RBFOX1: variants seen among roughly 807,000 people sequenced by gnomAD.
The protein encoded by RBFOX1 is RNA binding protein fox-1 homolog 1.
Under a neutral mutation model 57.7 loss-of-function variants are expected in RBFOX1, and 8 were observed. That is an observed-to-expected ratio of 0.14 (90% CI 0.08 to 0.25). The LOEUF (loss-of-function observed/expected upper bound fraction) is 0.25, where lower values mean the gene tolerates loss of function less well. Among genes scored for constraint, RBFOX1 ranks in the 10% least tolerant of loss-of-function variants. RBFOX1 has a pLI of 1.00. For missense variants in RBFOX1, 611 were observed against 548.5 expected, an observed-to-expected ratio of 1.11 and a Z score of -1.14; for synonymous variants, 326 against 222.4, an observed-to-expected ratio of 1.47 and a Z score of -4.15.
chr16:7,686,715 G>C (rs972844861), intron 14 of RBFOX1, among the ~76,000 whole-genome samples: 3 of 152,080 alleles, frequency 2.0e-5, no homozygotes, highest in Non-Finnish European at 2.9e-5. Flanking sequence ...GTCCAGACAG[G>C]TGAAATGAAT....
At chr16:6,731,376 A>G (rs1311755993) in intron 3 of RBFOX1, among the ~76,000 whole-genome samples, 2 of 152,164 alleles carry the variant, frequency 1.3e-5, no homozygotes, top group Non-Finnish European at 2.9e-5. Flanking sequence ...ACTATACTTT[A>G]GAAACAGGGG....
intron 3 of RBFOX1, among the ~76,000 whole-genome samples, chr16:6,806,665 G>C (rs771949823): frequency 2.1e-4 from 32 of 151,236 alleles, no homozygotes; most frequent in African/African-American, 7.3e-4. Context: ...TATTATATGC[G>C]CTAAAATGAT....
At chr16:6,667,736 C>T (rs79368686) in intron 3 of RBFOX1, among the ~76,000 whole-genome samples, 2,268 of 152,034 alleles carry the variant, frequency 0.015, 33 homozygotes, top group African/African-American at 0.048. Flanking sequence ...AAAAATATAG[C>T]CACATAGTTA....
chr16:7,100,132 A>C (rs112411901), intron 4 of RBFOX1, among the ~76,000 whole-genome samples: 1 of 146,762 alleles, frequency 6.8e-6, no homozygotes, highest in Non-Finnish European at 1.5e-5. Context: ...GAAGGGAACA[A>C]AAAAAAAAGC....
Position 7,434,766 on chromosome 16 carries a change from G to A in RBFOX1, c.28-83381G>A, listed in dbSNP as rs143550647. Among the ~76,000 whole-genome samples, 70 of 150,126 alleles carry A rather than the reference G, an allele frequency of 4.7e-4. 2 individuals carry two copies. In the East Asian group the frequency reaches 0.013, roughly 27 times the overall value. Reference sequence around the variant, plus strand: ...TTTTTTTTTTCTTTCCTGAGATTGAGCCTCGCTGGATCAGCCAGGCTGGAG... The same window carrying A: ...TTTTTTTTTTCTTTCCTGAGATTGAACCTCGCTGGATCAGCCAGGCTGGAG... On this transcript the variant is annotated intron_variant, in intron 4 of 15. Transcript: ENST00000550418.
At chr16:6,150,476 A>T (rs77656729) in intron 1 of RBFOX1, among the ~76,000 whole-genome samples, 2 of 152,060 alleles carry the variant, frequency 1.3e-5, no homozygotes, top group Admixed American at 1.3e-4. Context: ...TAAAAAAAAA[A>T]TAAGATAAAA....
rs187895464 is a variant in RBFOX1 at position 7,265,719 on chromosome 16, G to C, written c.27+213621G>C. ...CTGCCTTAGCCTCCCAGTGTGCTGG[G>C]ATTATAGGCGTGAGCCACCATGCCT... On this transcript the variant is annotated intron_variant, in intron 4 of 15. Transcript: ENST00000550418. Among the ~76,000 whole-genome samples, 471 of 152,346 alleles carry C rather than the reference G, an allele frequency of 3.1e-3. 6 individuals are homozygous for C. Among genetic ancestry groups the C allele is most frequent in the East Asian group, 1.4e-3 (7 of 5,158 alleles).
chr16:5,484,161 A>G (rs184790882), intron 2 of RBFOX1, among the ~76,000 whole-genome samples: 1 of 152,336 alleles, frequency 6.6e-6, no homozygotes, highest in African/African-American at 2.4e-5. Flanking sequence ...ACAGAGCAAG[A>G]TCCTATCTCA....
At chr16:7,265,590 A>T (rs1319782252) in intron 4 of RBFOX1, among the ~76,000 whole-genome samples, 1 of 152,042 alleles carries the variant, frequency 6.6e-6, no homozygotes, top group Non-Finnish European at 1.5e-5. Context: ...CTAGGATTAC[A>T]GGCACCCACC....
chr16:6,137,605 C>CG (rs1451182343), intron 1 of RBFOX1, among the ~76,000 whole-genome samples: 1 of 124,066 alleles, frequency 8.1e-6, no homozygotes, highest in African/African-American at 3.1e-5. Context: ...TGCGCCTGGT[C>CG]ATTTTTTTTT....
chr16:6,100,520 A>G (rs1026327479), intron 1 of RBFOX1, among the ~76,000 whole-genome samples: 7 of 152,176 alleles, frequency 4.6e-5, no homozygotes, highest in African/African-American at 1.7e-4. Context: ...TCCACACACT[A>G]AACACAAACC....
intron 14 of RBFOX1, among the ~76,000 whole-genome samples, chr16:7,705,919 A>G (rs1191993055): frequency 6.6e-6 from 1 of 152,182 alleles, no homozygotes; most frequent in African/African-American, 2.4e-5. Context: ...ATCTGACTGC[A>G]CTACTGCCCA....
intron 3 of RBFOX1, among the ~76,000 whole-genome samples, chr16:5,753,263 C>G (rs914930794): frequency 5.3e-5 from 8 of 152,000 alleles, no homozygotes; most frequent in Non-Finnish European, 1.0e-4. Flanking sequence ...CTCATTAAAA[C>G]TCTAGAAATA....
chr16:7,457,798 C>T (rs528470068), intron 4 of RBFOX1, among the ~76,000 whole-genome samples: 1 of 151,760 alleles, frequency 6.6e-6, no homozygotes, highest in African/African-American at 2.4e-5. Context: ...TAGCCTCACA[C>T]CAAGCAGCCA....
At chr16:5,846,523 C>T (rs1419058184) in intron 3 of RBFOX1, among the ~76,000 whole-genome samples, 1 of 152,166 alleles carries the variant, frequency 6.6e-6, no homozygotes, top group African/African-American at 2.4e-5. Flanking sequence ...CTTCCCCCAA[C>T]TGGGTAGATG....
Position 5,387,642 on chromosome 16 carries a change from C to G in RBFOX1, c.220-79574C>G, listed in dbSNP as rs533515056. Among the ~76,000 whole-genome samples the G allele has an allele frequency of 3.9e-5, 6 of 152,300 alleles. No individual in the cohort carries two copies. In the East Asian group the frequency reaches 7.7e-4, roughly 20 times the overall value. On this transcript the variant is annotated intron_variant, in intron 1 of 2. Transcript: ENST00000585867. ...CCTATTGGCAAGGGAGTTTGAGATT[C>G]TCTGAGAGAGGGAGGGGAGTGGATG...
At chr16:6,726,216 C>T (rs951977323) in intron 3 of RBFOX1, among the ~76,000 whole-genome samples, 1 of 152,062 alleles carries the variant, frequency 6.6e-6, no homozygotes, top group Non-Finnish European at 1.5e-5. Flanking sequence ...CTCTAGAATA[C>T]CACTAATTCC....
intron 1 of RBFOX1, among the ~76,000 whole-genome samples, chr16:6,272,759 A>G (rs936479220): frequency 6.6e-6 from 1 of 152,206 alleles, no homozygotes; most frequent in Non-Finnish European, 1.5e-5. Flanking sequence ...TAAAAAGTGT[A>G]TAGAACCCAG....
intron 3 of RBFOX1, among the ~76,000 whole-genome samples, chr16:6,883,262 T>C (rs1177201230): frequency 6.6e-6 from 1 of 152,216 alleles, no homozygotes; most frequent in African/African-American, 2.4e-5. Context: ...TTTTTAAAGT[T>C]GTCCTAGACC....
Sources: allele counts gnomAD v4.1 joint callset (sites outside exome capture counted in the v4.1 genomes callset), GRCh38; gene constraint gnomAD v4.1.1; transcripts MANE v1.5; gene names NCBI Gene and HGNC (gene_info 2026-07-23, HGNC 2026-07-21).